Variants in CCM2 observed in about 807,000 individuals in gnomAD.
CCM2 encodes the protein cerebral cavernous malformations 2 protein.
A neutral mutation model predicts 44.9 loss-of-function variants in CCM2; 25 were observed. The observed-to-expected ratio is 0.56, with a 90% CI of 0.41 to 0.78. The LOEUF is 0.78. Ranked by LOEUF, CCM2 falls within the 30% of genes least tolerant of loss-of-function variation. The pLI is 0.00. For synonymous variants in CCM2, 219 were observed against 241.1 expected (o/e 0.91, Z 0.85); for missense variants, 481 against 580.6 (o/e 0.83, Z 1.76).
chr7:45,014,431 G>T (rs1480192107), intron 1 of CCM2, among the ~76,000 whole-genome samples: 2 of 151,754 alleles, frequency 1.3e-5, no homozygotes, highest in African/African-American at 4.8e-5. Context: ...GAACCACCGC[G>T]CCCGGCCTAT....
intron 2 of CCM2, among the ~76,000 whole-genome samples, chr7:45,041,891 A>G (rs536327024): frequency 1.3e-5 from 2 of 152,336 alleles, no homozygotes; most frequent in South Asian, 2.1e-4. Flanking sequence ...ATGGGGAACC[A>G]GAACTCTTAT....
chr7:45,034,268 A>G (rs1210894949), intron 1 of CCM2, among the ~76,000 whole-genome samples: 2 of 151,782 alleles, frequency 1.3e-5, no homozygotes, highest in South Asian at 2.1e-4. Flanking sequence ...CTGGAGTGCA[A>G]TGGTGTGATC....
Position 45,075,752 on chromosome 7 carries a change from C to A in CCM2, c.1055-25C>A, listed in dbSNP as rs892453100. 5.0e-6 allele frequency: 8 copies of A among 1,613,430 alleles called. No homozygotes were observed. The African/African-American group carries it at 8.0e-5, about 16-fold the overall frequency. On this transcript the variant is annotated intron_variant, in intron 9 of 9. Coordinates refer to ENST00000258781, the MANE Select transcript of CCM2 (RefSeq NM_031443.4). ...GTGGGCTGAGCCGAACTGGAGGTGC[C>A]ATGCTGGGTGTTGTGTGTCTGCAGG... is the stretch of plus-strand genomic sequence containing the variant.
At chr7:45,027,813 G>C (rs755722007) in intron 1 of CCM2, 7 of 1,613,938 alleles carry the variant, frequency 4.3e-6, no homozygotes, top group Non-Finnish European at 5.9e-6. Context: ...TGCAAGTCCA[G>C]TGTGGAAAGC....
chr7:45,071,822 C>G (rs565623649), intron 6 of CCM2: 4 of 456,620 alleles, frequency 8.8e-6, no homozygotes, highest in Non-Finnish European at 1.8e-5. Flanking sequence ...AGGACTCTTG[C>G]AATCACATTG....
intron 9 of CCM2, among the ~76,000 whole-genome samples, chr7:45,075,461 T>C (rs1314197971): frequency 1.3e-5 from 2 of 152,198 alleles, no homozygotes. Context: ...TGAGGACTAA[T>C]AGAGAATGAG....
Position 45,076,101 on chromosome 7 carries a change from C to G in CCM2, c.*44C>G. 2 of 1,610,522 alleles carry G rather than the reference C, an allele frequency of 1.2e-6. No individual in the cohort carries two copies. Among genetic ancestry groups the G allele is most frequent in the Non-Finnish European group, 1.7e-6 (2 of 1,179,628 alleles). Reference sequence around the variant, plus strand: ...GCACCCACACCTTCCGCGCAGTCGTCATAGGCCTTCCCAGAAGGAGCTGCC... The same window carrying G: ...GCACCCACACCTTCCGCGCAGTCGTGATAGGCCTTCCCAGAAGGAGCTGCC... On this transcript the variant is annotated 3_prime_UTR_variant, in exon 10 of 10. Transcript: ENST00000258781.
Position 45,063,971 on chromosome 7 carries a change from T to C in CCM2, c.258T>C (p.Thr86=), listed in dbSNP as rs768068785. The change falls in exon 3 of 10, where the codon ACT becomes ACC. Residue 86 remains threonine, a synonymous_variant. Transcript: ENST00000258781. The part of the protein sequence containing the change: ...IPGYLNPSSR[T]EILHFIDNAK... ...GATACCTGAATCCCTCCAGTAGGACTGAAATCCTGCATTTCATAGACAATG... is the reference window on the plus strand; with the variant it reads ...GATACCTGAATCCCTCCAGTAGGACCGAAATCCTGCATTTCATAGACAATG... The C allele has an allele frequency of 1.2e-6, 2 of 1,613,022 alleles. No homozygotes were observed. Among genetic ancestry groups the C allele is most frequent in the Non-Finnish European group, 1.7e-6 (2 of 1,179,016 alleles).
chr7:45,068,032 T>G (rs1583979096), intron 4 of CCM2: 1 of 280,408 alleles, frequency 3.6e-6, no homozygotes, highest in East Asian at 8.9e-5. Flanking sequence ...ACCGTCTAGA[T>G]TGCCATGTGG....
intron 1 of CCM2, among the ~76,000 whole-genome samples, chr7:45,024,998 G>A (rs199622331): frequency 5.3e-5 from 8 of 152,196 alleles, no homozygotes; most frequent in African/African-American, 1.9e-4. Context: ...TGTTAGACTC[G>A]ATGGACCCAG....
At chr7:45,072,632 G>T in intron 6 of CCM2, 94 bp from the exon 7 acceptor site, 1 of 954,340 alleles carries the variant, frequency 1.0e-6, no homozygotes. Flanking sequence ...CAGGGCTGCC[G>T]CTGTCTCCTG....
chr7:45,004,291 A>G (rs1231808140), intron 1 of CCM2, among the ~76,000 whole-genome samples: 1 of 152,240 alleles, frequency 6.6e-6, no homozygotes, highest in South Asian at 2.1e-4. Flanking sequence ...TCTGATAGGC[A>G]TGTATTCTGA....
At chr7:45,068,388 T>A in intron 4 of CCM2, 55 bp from the exon 5 acceptor site, 2 of 1,612,032 alleles carry the variant, frequency 1.2e-6, no homozygotes, top group South Asian at 1.1e-5. Context: ...TTTCCTCAAG[T>A]GCCCCCATGC....
At chr7:45,053,047 G>A (rs1481087085) in intron 2 of CCM2, among the ~76,000 whole-genome samples, 1 of 152,236 alleles carries the variant, frequency 6.6e-6, no homozygotes, top group Non-Finnish European at 1.5e-5. Context: ...TTACCCAGTG[G>A]ATGTACTTTC....
intron 1 of CCM2, among the ~76,000 whole-genome samples, chr7:45,011,463 C>T (rs1459020918): frequency 6.6e-6 from 1 of 152,062 alleles, no homozygotes; most frequent in African/African-American, 2.4e-5. Context: ...TCCCAAAGTG[C>T]TGGGATTATA....
chr7:45,052,860 A>G (rs977347216), intron 2 of CCM2, among the ~76,000 whole-genome samples: 1 of 152,214 alleles, frequency 6.6e-6, no homozygotes, highest in African/African-American at 2.4e-5. Flanking sequence ...TACTATGGCC[A>G]GGGGTCAGGG....
intron 1 of CCM2, among the ~76,000 whole-genome samples, chr7:45,011,221 A>G (rs1796054272): frequency 6.7e-6 from 1 of 148,910 alleles, no homozygotes; most frequent in Admixed American, 6.7e-5. Context: ...TTTGAGACGG[A>G]GTCTCACTCT....
intron 1 of CCM2, among the ~76,000 whole-genome samples, chr7:45,012,576 C>T (rs746535782): frequency 6.6e-6 from 1 of 152,032 alleles, no homozygotes; most frequent in Non-Finnish European, 1.5e-5. Flanking sequence ...TAGCAACTGC[C>T]GAAGAGTCTC....
At chr7:45,016,461 C>T (rs1043965371) in intron 1 of CCM2, among the ~76,000 whole-genome samples, 1 of 151,016 alleles carries the variant, frequency 6.6e-6, no homozygotes, top group African/African-American at 2.4e-5. Flanking sequence ...TCCTGAGTAG[C>T]TGGGATTACT....
Sources: gnomAD v4.1 joint callset for allele counts (sites outside exome capture counted in the v4.1 genomes callset) on GRCh38, gnomAD v4.1.1 for gene constraint, MANE v1.5 for transcripts, NCBI Gene and HGNC (gene_info 2026-07-23, HGNC 2026-07-21) for gene names.